MCTP1: variants seen among roughly 807,000 people sequenced by gnomAD.
MCTP1 encodes the protein multiple C2 and transmembrane domain containing 1.
A neutral mutation model predicts 120.6 loss-of-function variants in MCTP1; 69 were observed. That is an observed-to-expected ratio of 0.57 (90% CI 0.47 to 0.70). MCTP1 has a LOEUF of 0.70. Ranked by LOEUF, MCTP1 falls within the 30% of genes least tolerant of loss-of-function variation. The pLI, the probability that MCTP1 is intolerant of heterozygous loss-of-function variation, is 0.00. For missense variants in MCTP1, 1,203 were observed against 1,248.8 expected (o/e 0.96, Z 0.55); for synonymous variants, 529 against 493.1 (o/e 1.07, Z -0.96).
intron 1 of MCTP1, among the ~76,000 whole-genome samples, chr5:95,059,835 A>G (rs555627198): frequency 2.0e-5 from 3 of 152,302 alleles, no homozygotes; most frequent in Admixed American, 2.0e-4. Context: ...GCTTTCTTTC[A>G]TCACTGAGTA....
At chr5:94,844,913 G>T (rs1459739491) in intron 17 of MCTP1, among the ~76,000 whole-genome samples, 3 of 151,692 alleles carry the variant, frequency 2.0e-5, no homozygotes, top group East Asian at 3.9e-4. Context: ...AAACCCAGTA[G>T]GCCCTCTAGT....
At position 95,012,001 on chromosome 5, in the gene MCTP1, T is replaced by C. The variant is rs140315758; in HGVS notation, c.838+5366A>G. Reference sequence around the variant, plus strand: ...GAAATAAACCATTTCTCCAGGAGCCTTGATTACTTTTATTGGGGAAATTGT... The same window carrying C: ...GAAATAAACCATTTCTCCAGGAGCCCTGATTACTTTTATTGGGGAAATTGT... On this transcript the variant is annotated intron_variant, in intron 2 of 22. Coordinates refer to ENST00000515393, the MANE Select transcript of MCTP1 (RefSeq NM_024717.7). 9.9e-5 allele frequency among the ~76,000 whole-genome samples: 15 copies of C among 152,218 alleles called. No individual in the cohort carries two copies. The East Asian group carries it at 2.7e-3, about 28-fold the overall frequency.
At chr5:95,087,480 G>A (rs1755519750) in intron 1 of MCTP1, among the ~76,000 whole-genome samples, 1 of 152,194 alleles carries the variant, frequency 6.6e-6, no homozygotes, top group South Asian at 2.1e-4. Context: ...TCTCTGCTCA[G>A]CTCCAGATGG....
At chr5:94,848,426 A>C (rs1347480446) in intron 17 of MCTP1, among the ~76,000 whole-genome samples, 1 of 151,824 alleles carries the variant, frequency 6.6e-6, no homozygotes, top group African/African-American at 2.4e-5. Context: ...CTATCTAACC[A>C]CTTAAGATGT....
chr5:94,921,128 GCACTAAGTTCC>G, intron 7 of MCTP1, among the ~76,000 whole-genome samples: 1 of 152,244 alleles, frequency 6.6e-6, no homozygotes, highest in Non-Finnish European at 1.5e-5. Flanking sequence ...TGAACACACT[GCACTAAGTTCC>G]CACCTTTAAG....
chr5:95,039,446 A>C (rs1841935983), intron 1 of MCTP1, among the ~76,000 whole-genome samples: 1 of 152,170 alleles, frequency 6.6e-6, no homozygotes, highest in African/African-American at 2.4e-5. Context: ...ATTCATACTT[A>C]CAGTGGGGGA....
At chr5:95,015,024 T>C (rs939714257) in intron 2 of MCTP1, among the ~76,000 whole-genome samples, 1 of 151,842 alleles carries the variant, frequency 6.6e-6, no homozygotes, top group Non-Finnish European at 1.5e-5. Flanking sequence ...ATTGTTAGCA[T>C]TTTTTTTAGC....
intron 2 of MCTP1, among the ~76,000 whole-genome samples, chr5:94,987,611 A>G (rs1830653629): frequency 6.6e-6 from 1 of 152,196 alleles, no homozygotes; most frequent in Admixed American, 6.5e-5. Context: ...TGGGTAAAAG[A>G]GTACAAAAGA....
intron 2 of MCTP1, among the ~76,000 whole-genome samples, chr5:95,015,810 T>C (rs1354545069): frequency 6.6e-6 from 1 of 152,114 alleles, no homozygotes; most frequent in Non-Finnish European, 1.5e-5. Context: ...ATTGCCTATA[T>C]TTTATAATTA....
chr5:95,186,299 A>T (rs1191541448), intron 1 of MCTP1, among the ~76,000 whole-genome samples: 3 of 151,828 alleles, frequency 2.0e-5, no homozygotes, highest in Admixed American at 2.0e-4. Flanking sequence ...AAACTCCCAG[A>T]CCTAATAAGC....
intron 1 of MCTP1, among the ~76,000 whole-genome samples, chr5:95,132,421 A>G (rs1759114708): frequency 1.3e-5 from 2 of 152,192 alleles, no homozygotes; most frequent in Non-Finnish European, 2.9e-5. Context: ...ACAAACAACT[A>G]TTTTTTTCCA....
intron 1 of MCTP1, among the ~76,000 whole-genome samples, chr5:95,193,392 A>T (rs1750036782): frequency 6.6e-6 from 1 of 152,168 alleles, no homozygotes; most frequent in African/African-American, 2.4e-5. Flanking sequence ...TCATTTATAG[A>T]TTATCTCATT....
chr5:94,853,756 C>A (rs1298413398), intron 17 of MCTP1, among the ~76,000 whole-genome samples: 1 of 151,888 alleles, frequency 6.6e-6, no homozygotes, highest in Non-Finnish European at 1.5e-5. Flanking sequence ...ACCTTTTACA[C>A]CTGCTTGTAC....
intron 1 of MCTP1, among the ~76,000 whole-genome samples, chr5:95,044,446 T>C (rs1292601181): frequency 6.6e-6 from 1 of 152,210 alleles, no homozygotes; most frequent in Non-Finnish European, 1.5e-5. Context: ...CTTTTGCTCA[T>C]TTATCTTCAC....
At chr5:95,111,811 A>G (rs564302580) in intron 1 of MCTP1, among the ~76,000 whole-genome samples, 6 of 152,156 alleles carry the variant, frequency 3.9e-5, no homozygotes, top group Non-Finnish European at 8.8e-5. Flanking sequence ...TTTTGTAGGA[A>G]TATTTTCTTC....
intron 2 of MCTP1, among the ~76,000 whole-genome samples, chr5:94,982,054 G>C (rs998171770): frequency 6.6e-6 from 1 of 152,128 alleles, no homozygotes; most frequent in Non-Finnish European, 1.5e-5. Flanking sequence ...AATCATAAAA[G>C]GGCAAGTACA....
intron 1 of MCTP1, 59 bp from the exon 2 acceptor site, chr5:95,017,543 A>C: frequency 8.5e-7 from 1 of 1,175,006 alleles, no homozygotes; most frequent in Non-Finnish European, 1.2e-6. Flanking sequence ...ATTTTCTCTA[A>C]AGGGGGACCA....
At chr5:94,886,435 G>A (rs1324035240) in intron 12 of MCTP1, among the ~76,000 whole-genome samples, 2 of 152,114 alleles carry the variant, frequency 1.3e-5, no homozygotes, top group Non-Finnish European at 2.9e-5. Context: ...AACAATGGGA[G>A]TTTAACTTTA....
chr5:95,243,938 C>T lies in MCTP1; in HGVS notation c.720+39918G>A, dbSNP rs115237525. Among the ~76,000 whole-genome samples, 601 of 152,310 alleles carry T rather than the reference C, an allele frequency of 3.9e-3. 4 individuals carry two copies. Among genetic ancestry groups the T allele is most frequent in the African/African-American group, 0.014 (572 of 41,572 alleles). ...AGGAAACACAGAGAGTATTCGAAGA[C>T]GATTCTCCACTGGTGCCTCGCCTTT... On this transcript the variant is annotated intron_variant, in intron 1 of 22. Transcript: ENST00000515393.
Sources: gnomAD v4.1 joint callset for allele counts (sites outside exome capture counted in the v4.1 genomes callset) on GRCh38, gnomAD v4.1.1 for gene constraint, MANE v1.5 for transcripts, NCBI Gene and HGNC (gene_info 2026-07-23, HGNC 2026-07-21) for gene names.